WDR27: variants seen among roughly 807,000 people sequenced by gnomAD.
The protein encoded by WDR27 is WD repeat-containing protein 27.
A neutral mutation model predicts 114.4 loss-of-function variants in WDR27; 100 were observed. That is an observed-to-expected ratio of 0.87 (90% CI 0.74 to 1.03). The LOEUF is 1.03. Ranked by LOEUF, WDR27 falls within the 50% of genes least tolerant of loss-of-function variation. The probability of loss-of-function intolerance (pLI) is 0.00; values close to 1 mark genes in which losing one functional copy is unlikely to be tolerated. For synonymous variants in WDR27, 449 were observed against 423.1 expected, an observed-to-expected ratio of 1.06 and a Z score of -0.75; for missense variants, 1,129 against 1,092.9, an observed-to-expected ratio of 1.03 and a Z score of -0.47.
chr6:169,565,926 G>A (rs1029566594), intron 25 of WDR27, among the ~76,000 whole-genome samples: 2 of 152,240 alleles, frequency 1.3e-5, no homozygotes, highest in African/African-American at 4.8e-5. Context: ...TTACAGGCGT[G>A]AGCCACTGCA....
intron 25 of WDR27, among the ~76,000 whole-genome samples, chr6:169,532,296 A>G (rs1467482998): frequency 6.6e-6 from 1 of 152,166 alleles, no homozygotes; most frequent in African/African-American, 2.4e-5. Context: ...ACAAGATGAG[A>G]CATTAATAGA....
At chr6:169,484,003 T>G (rs1299005694) in intron 25 of WDR27, among the ~76,000 whole-genome samples, 2 of 152,034 alleles carry the variant, frequency 1.3e-5, no homozygotes, top group Non-Finnish European at 2.9e-5. Flanking sequence ...CTCAATAAAC[T>G]AGGTACTGAA....
At chr6:169,642,088 G>A (rs949348885) in intron 17 of WDR27, among the ~76,000 whole-genome samples, 2 of 152,192 alleles carry the variant, frequency 1.3e-5, no homozygotes, top group African/African-American at 4.8e-5. Flanking sequence ...CTGACTGTAT[G>A]CTCAGAGGCC....
the WDR27 span, among the ~76,000 whole-genome samples, chr6:169,436,922 A>G: frequency 2.6e-3 from 393 of 152,280 alleles, no homozygotes; most frequent in Non-Finnish European, 3.0e-3. Context: ...AGATAAAAAT[A>G]CATTATAATT....
At chr6:169,454,503 A>G (rs1421935876), downstream of WDR27, among the ~76,000 whole-genome samples, 1 of 152,176 alleles carries the variant, frequency 6.6e-6, no homozygotes, top group East Asian at 1.9e-4. Context: ...CTCCTTCAAT[A>G]AGTCTGAAAT....
At chr6:169,675,252 G>A (rs564452988) in intron 2 of WDR27, among the ~76,000 whole-genome samples, 231 of 152,222 alleles carry the variant, frequency 1.5e-3, no homozygotes, top group African/African-American at 5.4e-3. Context: ...ACCATGGTGA[G>A]TTCTCATGAG....
In WDR27 at chr6:169,481,557, G is replaced by A. The variant is rs74671831; in HGVS notation, c.2646-23923C>T. Among the ~76,000 whole-genome samples the A allele has an allele frequency of 9.4e-3, 1,428 of 152,244 alleles. 23 individuals are homozygous for A. Among genetic ancestry groups the A allele is most frequent in the African/African-American group, 0.032 (1,336 of 41,522 alleles). On this transcript the variant is annotated intron_variant, in intron 25 of 25. Coordinates refer to ENST00000448612, the MANE Select transcript of WDR27 (RefSeq NM_182552.5). ...GCCTTTATGAGCTGTAGCACTCACC[G>A]CAAAAGTCTGCAGCTTCACTCCTGA...
At chr6:169,600,990 G>C (rs1269816237) in intron 23 of WDR27, among the ~76,000 whole-genome samples, 1 of 152,122 alleles carries the variant, frequency 6.6e-6, no homozygotes, top group Non-Finnish European at 1.5e-5. Context: ...CTTGAGAAGA[G>C]CAACTCCAAG....
At chr6:169,662,751 A>G (rs55827235) in intron 8 of WDR27, among the ~76,000 whole-genome samples, 8 of 96,060 alleles carry the variant, frequency 8.3e-5, no homozygotes, top group Non-Finnish European at 9.7e-5. Context: ...ATCACGTGTC[A>G]AGGAAAGCAC....
At chr6:169,638,838 A>G (rs902902933) in intron 17 of WDR27, among the ~76,000 whole-genome samples, 178 bp from the exon 18 acceptor site, 1 of 152,238 alleles carries the variant, frequency 6.6e-6, no homozygotes, top group Admixed American at 6.5e-5. Flanking sequence ...GGCAGGGTGC[A>G]CCATCTCCCT....
chr6:169,556,177 T>A (rs1159981882), intron 25 of WDR27, among the ~76,000 whole-genome samples: 1 of 152,142 alleles, frequency 6.6e-6, no homozygotes, highest in Non-Finnish European at 1.5e-5. Context: ...GTAGGAGCCT[T>A]GGGGGCCTCA....
intron 25 of WDR27, among the ~76,000 whole-genome samples, chr6:169,531,854 A>G (rs935305096): frequency 2.0e-5 from 3 of 152,032 alleles, no homozygotes; most frequent in African/African-American, 7.2e-5. Flanking sequence ...GGGTTTCACC[A>G]TGTTGGCGAC....
chr6:169,435,114 A>G, the WDR27 span, among the ~76,000 whole-genome samples: 87,837 of 152,182 alleles, frequency 0.58, 28,028 homozygotes, highest in East Asian at 0.98. Flanking sequence ...TGCAAGCCCC[A>G]AGCCTTGGCA....
the WDR27 span, among the ~76,000 whole-genome samples, chr6:169,447,811 C>A: frequency 6.6e-6 from 1 of 152,172 alleles, no homozygotes; most frequent in African/African-American, 2.4e-5. Context: ...CTAACTGGGG[C>A]TATTAACAAT....
At chr6:169,698,759 G>A (rs1216303410) in intron 1 of WDR27, among the ~76,000 whole-genome samples, 1 of 152,230 alleles carries the variant, frequency 6.6e-6, no homozygotes, top group East Asian at 1.9e-4. Context: ...TCATGCTGGA[G>A]GCGGAGGGCT....
intron 23 of WDR27, among the ~76,000 whole-genome samples, chr6:169,583,477 GTGTATATATACATATATATATA>G (rs1803884843): frequency 7.0e-5 from 1 of 14,268 alleles, no homozygotes; most frequent in Non-Finnish European, 1.9e-4. Context: ...GTGTGTGTGT[GTGTATATATACATATATATATA>G]TATATGTATA....
chr6:169,481,648 G>GT (rs1364265370), intron 25 of WDR27, among the ~76,000 whole-genome samples: 2 of 152,138 alleles, frequency 1.3e-5, no homozygotes, highest in Non-Finnish European at 2.9e-5. Flanking sequence ...TTTATGAGCT[G>GT]TAACACTCAC....
chr6:169,444,839 T>C, the WDR27 span, among the ~76,000 whole-genome samples: 88 of 152,300 alleles, frequency 5.8e-4, 2 homozygotes, highest in East Asian at 0.015. Flanking sequence ...ACTGTTCTTA[T>C]GTCAAGTAGC....
chr6:169,473,870 A>G (rs1786774611), intron 25 of WDR27, among the ~76,000 whole-genome samples: 1 of 152,210 alleles, frequency 6.6e-6, no homozygotes, highest in African/African-American at 2.4e-5. Context: ...AACAGCAACA[A>G]AAAGCTGGGA....
Sources: gnomAD v4.1 joint callset for allele counts (sites outside exome capture counted in the v4.1 genomes callset) on GRCh38, gnomAD v4.1.1 for gene constraint, MANE v1.5 for transcripts, NCBI Gene and HGNC (gene_info 2026-07-23, HGNC 2026-07-21) for gene names.